PGGT1B: variants seen among roughly 807,000 people sequenced by gnomAD.
PGGT1B encodes geranylgeranyl transferase type-1 subunit beta.
Under a neutral mutation model 46.1 loss-of-function variants are expected in PGGT1B, and 30 were observed. The observed-to-expected ratio is 0.65, with a 90% CI of 0.49 to 0.88. The LOEUF (loss-of-function observed/expected upper bound fraction) is 0.88, where lower values mean the gene tolerates loss of function less well. PGGT1B is among the 40% of genes least tolerant of loss of function. The pLI is 0.00. For synonymous variants in PGGT1B, 170 were observed against 160.0 expected (o/e 1.06, Z -0.47); for missense variants, 376 against 455.9 (o/e 0.82, Z 1.60).
intron 3 of PGGT1B, among the ~76,000 whole-genome samples, chr5:115,239,333 T>C (rs1036547591): frequency 6.6e-6 from 1 of 152,162 alleles, no homozygotes; most frequent in Non-Finnish European, 1.5e-5. Flanking sequence ...TGTGAGCCAC[T>C]GTGCCTGGCC....
intron 8 of PGGT1B, 60 bp downstream of exon 8, chr5:115,216,805 G>A: frequency 3.6e-6 from 3 of 830,182 alleles, no homozygotes; most frequent in Admixed American, 2.1e-5. Flanking sequence ...TTCTGATAAA[G>A]ATGCTTGAAG....
chr5:115,260,146 T>C (rs1748493321), intron 1 of PGGT1B, among the ~76,000 whole-genome samples: 2 of 152,240 alleles, frequency 1.3e-5, no homozygotes, highest in African/African-American at 4.8e-5. Context: ...ATACACTCTT[T>C]ATTTTCATAA....
chr5:115,262,790 A>G lies in PGGT1B; in HGVS notation c.62T>C (p.Leu21Ser). 6.2e-7 allele frequency: 1 copy of G among 1,613,328 alleles called. No individual in the cohort carries two copies. The highest frequency in any genetic ancestry group is 8.5e-7 in the Non-Finnish European group (1 of 1,179,862). The change falls in exon 1 of 9, where the codon TTA becomes TCA. Residue 21 changes from leucine to serine, a missense_variant. Physicochemically the swap from Leu to Ser is moderately radical, Grantham distance 145 (BLOSUM62 -2). Around this residue, in one of 2 missense-constraint regions of PGGT1B, gnomAD observed 154 missense variants for 142.3 expected, o/e 1.08. Coordinates refer to ENST00000419445, the MANE Select transcript of PGGT1B (RefSeq NM_005023.4). Reference protein sequence around the residue: ...GSGEGERLDFLRDRHVRFFQR... With the variant: ...GSGEGERLDFSRDRHVRFFQR... Reference sequence around the variant, plus strand: ...GAAAAATCGCACGTGCCGATCCCGTAAGAAATCCAGCCGCTCTCCCTCACC... The same window carrying G: ...GAAAAATCGCACGTGCCGATCCCGTGAGAAATCCAGCCGCTCTCCCTCACC...
chr5:115,251,676 C>A (rs111927466), intron 2 of PGGT1B, among the ~76,000 whole-genome samples: 1 of 151,698 alleles, frequency 6.6e-6, no homozygotes, highest in African/African-American at 2.4e-5. Context: ...TTCAGGAGTA[C>A]GAGTTTCAGT....
chr5:115,218,247 C>T (rs988410169), intron 7 of PGGT1B, among the ~76,000 whole-genome samples: 1 of 151,364 alleles, frequency 6.6e-6, no homozygotes, highest in African/African-American at 2.4e-5. Context: ...GTAATGTCCA[C>T]AAGAATTAAA....
intron 2 of PGGT1B, among the ~76,000 whole-genome samples, chr5:115,244,562 T>C (rs1747726455): frequency 6.7e-6 from 1 of 150,220 alleles, no homozygotes; most frequent in African/African-American, 2.5e-5. Context: ...AAATAAAAAG[T>C]TATCTTTCTC....
chr5:115,251,498 C>T (rs1351885793), intron 2 of PGGT1B, among the ~76,000 whole-genome samples: 1 of 151,856 alleles, frequency 6.6e-6, no homozygotes, highest in Admixed American at 6.6e-5. Context: ...TGCTCAATTA[C>T]GGAGCCACCA....
intron 1 of PGGT1B, among the ~76,000 whole-genome samples, chr5:115,254,613 T>TA (rs1046318210): frequency 3.3e-5 from 5 of 151,524 alleles, no homozygotes; most frequent in African/African-American, 1.2e-4. Context: ...TTTTTTTTTT[T>TA]TTAAGGGCAA....
At chr5:115,219,596 A>T (rs892609740) in intron 7 of PGGT1B, among the ~76,000 whole-genome samples, 1 of 151,864 alleles carries the variant, frequency 6.6e-6, no homozygotes, top group Non-Finnish European at 1.5e-5. Context: ...AATTTTGATA[A>T]AATTGTACTG....
At position 115,207,671 on chromosome 5, in the gene PGGT1B, T is replaced by C. The variant is rs1348349330; in HGVS notation, c.*4731A>G. The C allele has an allele frequency of 6.6e-6, 1 of 152,076 alleles. No individual in the cohort carries two copies. The highest frequency in any genetic ancestry group is 1.5e-5 in the Non-Finnish European group (1 of 67,958). The allele number at this position is 152,076 out of a possible 1,614,324, so 9.4% of individuals were successfully genotyped here. Reference sequence around the variant, plus strand: ...TAGCTACTTTACTAAGTTCTTTTATTGTTTAGTTTTTCAACAAGTTCCTTT... The same window carrying C: ...TAGCTACTTTACTAAGTTCTTTTATCGTTTAGTTTTTCAACAAGTTCCTTT... On this transcript the variant is annotated 3_prime_UTR_variant, in exon 9 of 9. Coordinates refer to ENST00000419445, the MANE Select transcript of PGGT1B (RefSeq NM_005023.4).
rs779310886 is a variant in PGGT1B at position 115,253,182 on chromosome 5, T to G, written c.214A>C (p.Ile72Leu). 6.2e-7 allele frequency: 1 copy of G among 1,607,036 alleles called. No homozygotes were observed. The highest frequency in any genetic ancestry group is 1.3e-5 in the African/African-American group (1 of 74,678). Residue 72 changes from isoleucine (I) to leucine (L), a missense_variant, in exon 2 of 9, where the codon ATA becomes CTA. By Grantham distance (5) the Ile-to-Leu change is conservative (BLOSUM62 2). Around this residue, in one of 2 missense-constraint regions of PGGT1B, gnomAD observed 154 missense variants for 142.3 expected, o/e 1.08. Transcript: ENST00000419445. ...DSLDVVNKDDIIEWIYSLQVL... is the reference protein window; with the variant it reads ...DSLDVVNKDDLIEWIYSLQVL... ...TGCAGGGAATAAATCCACTCTATTA[T>G]ATCATCTTTGTTCACCACATCTAAG...
chr5:115,224,670 G>C (rs1756704997), intron 6 of PGGT1B, among the ~76,000 whole-genome samples: 1 of 151,978 alleles, frequency 6.6e-6, no homozygotes, highest in African/African-American at 2.4e-5. Context: ...AGGAGTTCGA[G>C]ACCAGCCTGG....
intron 2 of PGGT1B, among the ~76,000 whole-genome samples, chr5:115,245,541 T>A (rs1747795907): frequency 6.6e-6 from 1 of 152,176 alleles, no homozygotes; most frequent in African/African-American, 2.4e-5. Flanking sequence ...AGTAATATAC[T>A]TCAGGCTTCT....
chr5:115,241,646 A>G, intron 2 of PGGT1B, 40 bp from the exon 3 acceptor site: 1 of 1,449,094 alleles, frequency 6.9e-7, no homozygotes, highest in Non-Finnish European at 9.6e-7. Flanking sequence ...AGTACACTTT[A>G]TTTTTGCACA....
At position 115,218,988 on chromosome 5, in the gene PGGT1B, T is replaced by A. The variant is rs566062489; in HGVS notation, c.844-2015A>T. Among the ~76,000 whole-genome samples, 3 of 151,998 alleles carry A rather than the reference T, an allele frequency of 2.0e-5. No homozygotes were observed. The East Asian group carries it at 5.8e-4, about 29-fold the overall frequency. ...TAAATGGAAAAGCATCCTGTGCTCATGGATAGGAACACTCAACAGTGTCAA... is the reference window on the plus strand; with the variant it reads ...TAAATGGAAAAGCATCCTGTGCTCAAGGATAGGAACACTCAACAGTGTCAA... On this transcript the variant is annotated intron_variant, in intron 7 of 8. Transcript: ENST00000419445.
intron 1 of PGGT1B, among the ~76,000 whole-genome samples, chr5:115,258,899 C>T (rs1748434965): frequency 6.6e-6 from 1 of 152,220 alleles, no homozygotes; most frequent in Non-Finnish European, 1.5e-5. Context: ...TAACAGGCTG[C>T]TTCATGCAAC....
chr5:115,228,735 G>A (rs1453356325), intron 6 of PGGT1B, among the ~76,000 whole-genome samples: 1 of 152,124 alleles, frequency 6.6e-6, no homozygotes, highest in African/African-American at 2.4e-5. Flanking sequence ...AGATGGTGAA[G>A]GAACCAGAAC....
intron 6 of PGGT1B, among the ~76,000 whole-genome samples, chr5:115,225,450 T>C (rs1756742935): frequency 6.6e-6 from 1 of 152,196 alleles, no homozygotes; most frequent in South Asian, 2.1e-4. Flanking sequence ...TTATAACTTA[T>C]TTTGCTCCCA....
intron 3 of PGGT1B, among the ~76,000 whole-genome samples, chr5:115,238,588 T>A (rs1480861856): frequency 1.3e-5 from 2 of 152,152 alleles, no homozygotes; most frequent in African/African-American, 4.8e-5. Flanking sequence ...TTATTTTATA[T>A]AGCACAAATC....
Sources: gnomAD v4.1 joint callset for allele counts (sites outside exome capture counted in the v4.1 genomes callset) on GRCh38, gnomAD v4.1.1 for gene constraint, gnomAD v4.1.1 regional missense constraint, MANE v1.5 for transcripts, NCBI Gene and HGNC (gene_info 2026-07-23, HGNC 2026-07-21) for gene names.